UGT1A9: variants seen among roughly 807,000 people sequenced by gnomAD.
The protein encoded by UGT1A9 is UDP glucuronosyltransferase family 1 member A9, also known as UDP-glucuronosyltransferase 1A9.
UGT1A9 carries 35 observed loss-of-function variants against 45.0 expected under a neutral mutation model. That is an observed-to-expected ratio of 0.78 (90% CI 0.59 to 1.03). The LOEUF (loss-of-function observed/expected upper bound fraction) is 1.03, where lower values mean the gene tolerates loss of function less well. Among genes scored for constraint, UGT1A9 ranks in the 50% least tolerant of loss-of-function variants. The probability of loss-of-function intolerance (pLI) is 0.00; values close to 1 mark genes in which losing one functional copy is unlikely to be tolerated. For missense variants in UGT1A9, 687 were observed against 666.6 expected, an observed-to-expected ratio of 1.03 and a Z score of -0.34; for synonymous variants, 278 against 250.6, an observed-to-expected ratio of 1.11 and a Z score of -1.03.
At chr2:233,680,104 G>A (rs1472100026) in intron 1 of UGT1A9, among the ~76,000 whole-genome samples, 1 of 151,922 alleles carries the variant, frequency 6.6e-6, no homozygotes, top group East Asian at 1.9e-4. Context: ...AATCATAGCG[G>A]CAGAGCTCAA....
rs1243316887 is a variant in UGT1A9, at chr2:233,672,530, A to G, written c.596A>G (p.Asp199Gly). The G allele has an allele frequency of 6.2e-7, 1 of 1,613,940 alleles. No individual in the cohort carries two copies. Among genetic ancestry groups the G allele is most frequent in the Non-Finnish European group, 8.5e-7 (1 of 1,179,844 alleles). ...CCCAGAATTCTCTTAGGGTTCTCAG[A>G]TGCCATGACTTTCAAGGAGAGAGTA... ...YVPRILLGFS[D>G]AMTFKERVRN... Residue 199 changes from aspartate (D) to glycine (G), a missense_variant, in exon 1 of 5, where the codon GAT becomes GGT. Asp to Gly is a moderately conservative substitution (Grantham distance 94, BLOSUM62 -1). Transcript: ENST00000354728.
chr2:233,746,976 G>A (rs118160610), intron 1 of UGT1A9, among the ~76,000 whole-genome samples: 2 of 151,898 alleles, frequency 1.3e-5, no homozygotes, highest in South Asian at 2.1e-4. Flanking sequence ...TCCCCAGAGC[G>A]AGCGCAGGGT....
At chr2:233,724,144 C>T (rs2077176143) in intron 1 of UGT1A9, among the ~76,000 whole-genome samples, 1 of 124,228 alleles carries the variant, frequency 8.0e-6, no homozygotes, top group African/African-American at 3.6e-5. Flanking sequence ...GACGGGGCGG[C>T]TGGCCGGGTG....
At chr2:233,681,973 A>C (rs768736320) in intron 1 of UGT1A9, 2 of 1,614,064 alleles carry the variant, frequency 1.2e-6, no homozygotes, top group Non-Finnish European at 1.7e-6. Flanking sequence ...TCCTTCCCCT[A>C]TATGTGTGTC....
intron 1 of UGT1A9, among the ~76,000 whole-genome samples, chr2:233,723,213 CTTT>C (rs201420005): frequency 5.6e-5 from 5 of 88,866 alleles, no homozygotes; most frequent in Admixed American, 3.3e-4. Flanking sequence ...TCAAAACTGA[CTTT>C]TTTTTTTTTT....
At chr2:233,733,583 G>C (rs2078417703) in intron 1 of UGT1A9, among the ~76,000 whole-genome samples, 2 of 152,122 alleles carry the variant, frequency 1.3e-5, no homozygotes, top group Admixed American at 1.3e-4. Context: ...TTTGTCATTG[G>C]TTCTGTTTAT....
At chr2:233,759,230 A>AG (rs1697089721) in intron 1 of UGT1A9, among the ~76,000 whole-genome samples, 1 of 152,196 alleles carries the variant, frequency 6.6e-6, no homozygotes, top group African/African-American at 2.4e-5. Flanking sequence ...CAAATGAAGG[A>AG]TGGAAACTTG....
At chr2:233,758,327 A>G (rs1696843047) in intron 1 of UGT1A9, among the ~76,000 whole-genome samples, 1 of 152,192 alleles carries the variant, frequency 6.6e-6, no homozygotes, top group Non-Finnish European at 1.5e-5. Flanking sequence ...CAGCCTCAAA[A>G]AGCTTGGAAG....
At chr2:233,692,803 T>C (rs776646803) in intron 1 of UGT1A9, 33 of 1,389,660 alleles carry the variant, frequency 2.4e-5, no homozygotes, top group Non-Finnish European at 2.5e-5. Flanking sequence ...GACACGGCCA[T>C]AGTTGGTTCA....
chr2:233,726,566 C>G (rs772348074), intron 1 of UGT1A9, among the ~76,000 whole-genome samples: 4 of 152,178 alleles, frequency 2.6e-5, no homozygotes, highest in African/African-American at 2.4e-5. Flanking sequence ...CCCACTCTTA[C>G]GCCTGTCTCC....
intron 1 of UGT1A9, chr2:233,760,664 G>C (rs1215512591): frequency 6.2e-7 from 1 of 1,614,182 alleles, no homozygotes; most frequent in Admixed American, 1.7e-5. Context: ...CTTTTGTCTG[G>C]CTGTTCCCAC....
intron 1 of UGT1A9, among the ~76,000 whole-genome samples, chr2:233,687,113 A>G (rs2074823796): frequency 1.3e-5 from 2 of 152,234 alleles, no homozygotes; most frequent in South Asian, 4.1e-4. Flanking sequence ...AAACTTGGGT[A>G]AAAACTCAGC....
At chr2:233,724,815 G>A (rs1445822496) in intron 1 of UGT1A9, among the ~76,000 whole-genome samples, 1 of 137,052 alleles carries the variant, frequency 7.3e-6, no homozygotes, top group Admixed American at 7.2e-5. Context: ...GGCAGAGGCT[G>A]CAATCTCGGC....
intron 1 of UGT1A9, among the ~76,000 whole-genome samples, chr2:233,716,476 C>T: frequency 6.6e-6 from 1 of 152,028 alleles, no homozygotes; most frequent in Non-Finnish European, 1.5e-5. Flanking sequence ...TGTTTCTGTC[C>T]TCCGTAGTCT....
chr2:233,674,878 ACACTT>A (rs1431426199), intron 1 of UGT1A9, among the ~76,000 whole-genome samples: 7 of 152,188 alleles, frequency 4.6e-5, no homozygotes, highest in Non-Finnish European at 8.8e-5. Flanking sequence ...AGAAGGATGG[ACACTT>A]CATATTGCTC....
intron 1 of UGT1A9, among the ~76,000 whole-genome samples, chr2:233,752,978 A>C (rs961719654): frequency 2.0e-5 from 3 of 152,180 alleles, no homozygotes; most frequent in Admixed American, 6.5e-5. Context: ...AATTGTGTAG[A>C]TACAAACCCA....
intron 1 of UGT1A9, among the ~76,000 whole-genome samples, chr2:233,703,429 CTCTATT>C (rs2075738340): frequency 6.6e-6 from 1 of 151,928 alleles, no homozygotes; most frequent in Admixed American, 6.6e-5. Context: ...TCTATTGCTT[CTCTATT>C]TCTATGTCGT....
At chr2:233,701,296 C>G (rs2075621546) in intron 1 of UGT1A9, among the ~76,000 whole-genome samples, 1 of 152,150 alleles carries the variant, frequency 6.6e-6, no homozygotes, top group Non-Finnish European at 1.5e-5. Flanking sequence ...AATCGCCACA[C>G]TGTCTTCCAC....
At chr2:233,758,802 A>G (rs1160659282) in intron 1 of UGT1A9, among the ~76,000 whole-genome samples, 1 of 152,232 alleles carries the variant, frequency 6.6e-6, no homozygotes, top group Non-Finnish European at 1.5e-5. Flanking sequence ...TTGGAATTGT[A>G]TAGTACAGCA....
Sources: gnomAD v4.1 joint callset for allele counts (sites outside exome capture counted in the v4.1 genomes callset) on GRCh38, gnomAD v4.1.1 for gene constraint, MANE v1.5 for transcripts, NCBI Gene and HGNC (gene_info 2026-07-23, HGNC 2026-07-21) for gene names.